Variants in RAP1GDS1 observed in about 807,000 individuals in gnomAD.
The protein encoded by RAP1GDS1 is Rap1 GTPase-GDP dissociation stimulator 1.
RAP1GDS1 carries 35 observed loss-of-function variants against 71.1 expected under a neutral mutation model. The observed-to-expected ratio is 0.49, with a 90% CI of 0.38 to 0.65. The LOEUF is 0.65. Ranked by LOEUF, RAP1GDS1 falls within the 30% of genes least tolerant of loss-of-function variation. RAP1GDS1 has a pLI of 0.00. For synonymous variants in RAP1GDS1, 229 were observed against 243.1 expected (o/e 0.94, Z 0.54); for missense variants, 663 against 706.1 (o/e 0.94, Z 0.69).
chr4:98,313,068 C>CAAAAAA (rs556945198), intron 2 of RAP1GDS1, among the ~76,000 whole-genome samples: 9 of 38,168 alleles, frequency 2.4e-4, no homozygotes, highest in East Asian at 9.6e-4. Flanking sequence ...GACTCTGTCT[C>CAAAAAA]AAAAAAAAAA....
At chr4:98,372,729 G>A (rs1006639411) in intron 4 of RAP1GDS1, among the ~76,000 whole-genome samples, 1 of 152,182 alleles carries the variant, frequency 6.6e-6, no homozygotes, top group African/African-American at 2.4e-5. Context: ...GTGTTGCCCA[G>A]GCTGGTGTGT....
chr4:98,432,825 T>G (rs1376027660), intron 12 of RAP1GDS1, among the ~76,000 whole-genome samples: 2 of 152,184 alleles, frequency 1.3e-5, no homozygotes, highest in Non-Finnish European at 2.9e-5. Flanking sequence ...CAGATTTAGT[T>G]CAAGAGTTCT....
At chr4:98,275,251 T>C (rs964709565) in intron 1 of RAP1GDS1, among the ~76,000 whole-genome samples, 3 of 152,302 alleles carry the variant, frequency 2.0e-5, no homozygotes, top group African/African-American at 7.2e-5. Context: ...AAGTGTGACA[T>C]GCTTCTCTTA....
At chr4:98,404,929 T>G (rs1270566271) in intron 7 of RAP1GDS1, among the ~76,000 whole-genome samples, 1 of 152,090 alleles carries the variant, frequency 6.6e-6, no homozygotes, top group Non-Finnish European at 1.5e-5. Context: ...AAAGTTGGAG[T>G]CTCAGGCCTG....
At chr4:98,438,981 C>T (rs1466521057) in intron 14 of RAP1GDS1, among the ~76,000 whole-genome samples, 2 of 152,128 alleles carry the variant, frequency 1.3e-5, no homozygotes, top group Non-Finnish European at 2.9e-5. Context: ...TTCTTTCAAC[C>T]ACCAAACATA....
chr4:98,290,388 T>C (rs1726748282), intron 1 of RAP1GDS1, among the ~76,000 whole-genome samples: 1 of 152,122 alleles, frequency 6.6e-6, no homozygotes, highest in Admixed American at 6.6e-5. Context: ...TATTCTTTGT[T>C]GTTGGTGATG....
intron 7 of RAP1GDS1, among the ~76,000 whole-genome samples, chr4:98,414,461 A>G (rs1578798287): frequency 6.8e-6 from 1 of 147,424 alleles, no homozygotes; most frequent in East Asian, 2.0e-4. Flanking sequence ...AGCACCATTT[A>G]TTAAGTAGGG....
intron 3 of RAP1GDS1, among the ~76,000 whole-genome samples, chr4:98,351,725 A>G (rs1737219377): frequency 1.3e-5 from 2 of 152,026 alleles, no homozygotes; most frequent in Admixed American, 1.3e-4. Context: ...TTTATGTCCA[A>G]TCATGACTGT....
At chr4:98,328,530 C>T (rs1453789100) in intron 2 of RAP1GDS1, among the ~76,000 whole-genome samples, 2 of 152,152 alleles carry the variant, frequency 1.3e-5, no homozygotes, top group African/African-American at 2.4e-5. Flanking sequence ...CATCTAGTTT[C>T]AGTTTATAAA....
At chr4:98,401,229 A>C (rs1459523147) in intron 6 of RAP1GDS1, among the ~76,000 whole-genome samples, 1 of 152,218 alleles carries the variant, frequency 6.6e-6, no homozygotes, top group Non-Finnish European at 1.5e-5. Flanking sequence ...ATGCATTAAG[A>C]TTAGAAAACT....
chr4:98,300,134 C>G (rs1303043050), intron 2 of RAP1GDS1, among the ~76,000 whole-genome samples: 1 of 152,102 alleles, frequency 6.6e-6, no homozygotes, highest in Non-Finnish European at 1.5e-5. Context: ...AAGAGTCAAT[C>G]AGGATGATAA....
At chr4:98,369,204 C>T (rs943661164) in intron 4 of RAP1GDS1, among the ~76,000 whole-genome samples, 8 of 152,126 alleles carry the variant, frequency 5.3e-5, no homozygotes, top group African/African-American at 1.7e-4. Context: ...TCCCATGACA[C>T]GTGGGGATTG....
At chr4:98,320,188 T>G (rs73834429) in intron 2 of RAP1GDS1, among the ~76,000 whole-genome samples, 6,972 of 152,280 alleles carry the variant, frequency 0.046, 395 homozygotes, top group African/African-American at 0.13. Context: ...TTAGTTAAGT[T>G]TTGGGGGAGT....
chr4:98,391,188 C>T (rs556974532), intron 5 of RAP1GDS1, among the ~76,000 whole-genome samples: 1 of 151,830 alleles, frequency 6.6e-6, no homozygotes, highest in South Asian at 2.1e-4. Context: ...CATGAAGAAC[C>T]CTTGTGGAAA....
intron 7 of RAP1GDS1, among the ~76,000 whole-genome samples, chr4:98,406,771 G>A (rs1746177767): frequency 1.3e-5 from 2 of 151,976 alleles, no homozygotes; most frequent in Admixed American, 6.6e-5. Flanking sequence ...TCAAAAGATT[G>A]CTATCATACA....
chr4:98,376,884 C>T (rs1476484796), intron 4 of RAP1GDS1, among the ~76,000 whole-genome samples: 1 of 151,806 alleles, frequency 6.6e-6, no homozygotes, highest in African/African-American at 2.4e-5. Context: ...AGCACTGTGG[C>T]TCTGAAACAC....
chr4:98,372,603 C>T (rs1175912209), intron 4 of RAP1GDS1, among the ~76,000 whole-genome samples: 1 of 152,194 alleles, frequency 6.6e-6, no homozygotes, highest in East Asian at 1.9e-4. Flanking sequence ...CTGTACAGTT[C>T]CACTTCCTCC....
At chr4:98,339,485 G>A (rs140922341) in intron 2 of RAP1GDS1, among the ~76,000 whole-genome samples, 2 of 152,108 alleles carry the variant, frequency 1.3e-5, no homozygotes, top group Non-Finnish European at 2.9e-5. Flanking sequence ...TAGTTAAAAT[G>A]TCAATAGTAG....
intron 5 of RAP1GDS1, among the ~76,000 whole-genome samples, chr4:98,389,897 G>T (rs190098051): frequency 2.0e-3 from 298 of 152,192 alleles, no homozygotes; most frequent in African/African-American, 7.1e-3. Flanking sequence ...TGGACTGTTG[G>T]ATTTTTCATA....
Sources: allele counts gnomAD v4.1 joint callset (sites outside exome capture counted in the v4.1 genomes callset), GRCh38; gene constraint gnomAD v4.1.1; transcripts MANE v1.5; gene names NCBI Gene and HGNC (gene_info 2026-07-23, HGNC 2026-07-21).